FRMD5: variants seen among roughly 807,000 people sequenced by gnomAD.
FRMD5 encodes the protein FERM domain containing 5, also known as FERM domain-containing protein 5.
FRMD5 carries 20 observed loss-of-function variants against 69.0 expected under a neutral mutation model. The ratio of observed to expected loss-of-function variants is 0.29; its 90% CI spans 0.20 to 0.42. The LOEUF is 0.42. FRMD5 is among the 10% of genes least tolerant of loss of function. The pLI, the probability that FRMD5 is intolerant of heterozygous loss-of-function variation, is 1.00. For missense variants in FRMD5, 595 were observed against 708.6 expected (o/e 0.84, Z 1.82); for synonymous variants, 271 against 260.1 (o/e 1.04, Z -0.40).
At chr15:44,017,685 A>T (rs376983659) in intron 1 of FRMD5, among the ~76,000 whole-genome samples, 1 of 149,496 alleles carries the variant, frequency 6.7e-6, no homozygotes, top group African/African-American at 2.5e-5. Flanking sequence ...GGCTCACTGC[A>T]AGCTCCGTCT....
At chr15:43,945,400 C>A (rs762705319) in intron 1 of FRMD5, among the ~76,000 whole-genome samples, 1 of 152,088 alleles carries the variant, frequency 6.6e-6, no homozygotes, top group Admixed American at 6.5e-5. Context: ...AGAAAGAATA[C>A]TAAACAAAAG....
chr15:44,106,396 C>T (rs1433722317), intron 1 of FRMD5, among the ~76,000 whole-genome samples: 2 of 152,186 alleles, frequency 1.3e-5, no homozygotes, highest in East Asian at 3.8e-4. Context: ...ATTGCCACTA[C>T]TCTTTAAACC....
At position 44,082,144 on chromosome 15, in the gene FRMD5, G is replaced by A. The variant is rs76942154; in HGVS notation, c.102+112809C>T. ...CAAAATTTCACACAAATTCTTTCTT[G>A]CTCACATTAACTCTACAAAACAAAG... On this transcript the variant is annotated intron_variant, in intron 1 of 13. Transcript: ENST00000417257. Among the ~76,000 whole-genome samples the A allele has an allele frequency of 2.9e-3, 442 of 151,714 alleles. 5 individuals carry two copies. The highest frequency in any genetic ancestry group is 0.01 in the African/African-American group (432 of 41,412).
chr15:44,178,769 G>A (rs1482732125), intron 1 of FRMD5, among the ~76,000 whole-genome samples: 1 of 152,164 alleles, frequency 6.6e-6, no homozygotes, highest in East Asian at 1.9e-4. Context: ...AAGGCGGGTG[G>A]ATCACCTGAG....
chr15:44,135,040 A>G (rs1400841734), intron 1 of FRMD5, among the ~76,000 whole-genome samples: 1 of 152,228 alleles, frequency 6.6e-6, no homozygotes, highest in African/African-American at 2.4e-5. Flanking sequence ...TTGAGGGATA[A>G]GCATGAAAGG....
intron 1 of FRMD5, among the ~76,000 whole-genome samples, chr15:44,183,355 T>C (rs2078043189): frequency 6.6e-6 from 1 of 151,982 alleles, no homozygotes; most frequent in Non-Finnish European, 1.5e-5. Flanking sequence ...AAAGATAAAA[T>C]ATTAGAGGTG....
In FRMD5 at chr15:43,888,659, C is replaced by T. The variant is rs898748550; in HGVS notation, c.792+150G>A. 38 of 674,412 alleles carry T rather than the reference C, an allele frequency of 5.6e-5. No homozygotes were observed. In the East Asian group the frequency reaches 6.2e-4, roughly 11 times the overall value. 41.8% of individuals were successfully genotyped at this position (674,412 alleles called of 1,614,324 possible). A position where few individuals can be genotyped will look rare whatever the true frequency, so the allele number is the denominator to read the frequency against. ...TCCTGTGCTCCAGGGCCTTCCCGCT[C>T]CTTCATATTGTACCTCCAGGTCCTG... On this transcript the variant is annotated intron_variant, in intron 9 of 13. Transcript: ENST00000417257.
intron 1 of FRMD5, among the ~76,000 whole-genome samples, chr15:44,127,699 C>T (rs2077042300): frequency 6.6e-6 from 1 of 152,052 alleles, no homozygotes; most frequent in Admixed American, 6.6e-5. Context: ...CATGGCGAAA[C>T]CTCATCTCTA....
chr15:43,966,232 C>T (rs1438408760), intron 1 of FRMD5, among the ~76,000 whole-genome samples: 7 of 151,572 alleles, frequency 4.6e-5, no homozygotes, highest in South Asian at 2.1e-4. Context: ...TTAGCCGGGG[C>T]GTGGTGGTGC....
At position 43,873,433 on chromosome 15, in the gene FRMD5, G is replaced by A. The variant is rs2088219188; in HGVS notation, c.*452C>T. 2 of 1,431,912 alleles carry A rather than the reference G, an allele frequency of 1.4e-6. No individual in the cohort carries two copies. Among genetic ancestry groups the A allele is most frequent in the Non-Finnish European group, 9.1e-7 (1 of 1,103,072 alleles). The allele number at this position is 1,431,912 out of a possible 1,614,324, so 88.7% of individuals were successfully genotyped here. ...AGTGATGAGTCTACTGGAACCCAGT[G>A]GCACCAGCAGGAAAAGCTCCTGCAG... On this transcript the variant is annotated 3_prime_UTR_variant, in exon 14 of 14. Coordinates refer to ENST00000417257, the MANE Select transcript of FRMD5 (RefSeq NM_032892.5).
At chr15:43,965,303 C>T (rs1191584258) in intron 1 of FRMD5, among the ~76,000 whole-genome samples, 4 of 152,170 alleles carry the variant, frequency 2.6e-5, no homozygotes, top group Admixed American at 6.6e-5. Flanking sequence ...ATCTGATGTG[C>T]ACTAGGATGA....
chr15:44,023,693 A>G (rs1184074967), intron 1 of FRMD5, among the ~76,000 whole-genome samples: 3 of 152,172 alleles, frequency 2.0e-5, no homozygotes, highest in Non-Finnish European at 4.4e-5. Flanking sequence ...AAACAAAATT[A>G]CAAGAATTGG....
chr15:43,929,391 T>C (rs527885487), intron 1 of FRMD5, among the ~76,000 whole-genome samples: 1 of 152,336 alleles, frequency 6.6e-6, no homozygotes, highest in Admixed American at 6.5e-5. Context: ...GAAGCCAAGA[T>C]GCAGAAAGCT....
intron 1 of FRMD5, among the ~76,000 whole-genome samples, chr15:43,985,097 G>C (rs1276191779): frequency 4.0e-5 from 6 of 151,566 alleles, no homozygotes; most frequent in African/African-American, 1.5e-4. Flanking sequence ...CGGCTAACAT[G>C]GTGAAACCCC....
At chr15:43,949,896 T>TAA (rs112511482) in intron 1 of FRMD5, among the ~76,000 whole-genome samples, 2 of 148,116 alleles carry the variant, frequency 1.4e-5, no homozygotes, top group African/African-American at 4.9e-5. Flanking sequence ...TCTGCTAACT[T>TAA]AAAAAAAAAA....
At chr15:44,187,413 G>T (rs1458649396) in intron 1 of FRMD5, among the ~76,000 whole-genome samples, 1 of 152,066 alleles carries the variant, frequency 6.6e-6, no homozygotes, top group African/African-American at 2.4e-5. Flanking sequence ...GATTTCTGTT[G>T]TTTGACTCAA....
chr15:43,945,006 TCTC>T (rs1210346444), intron 1 of FRMD5, among the ~76,000 whole-genome samples: 2 of 151,434 alleles, frequency 1.3e-5, no homozygotes, highest in African/African-American at 4.9e-5. Context: ...CCCAGGCTGG[TCTC>T]CTCCTGAGTT....
intron 8 of FRMD5, among the ~76,000 whole-genome samples, chr15:43,889,799 C>T (rs966497128): frequency 2.0e-5 from 3 of 152,188 alleles, no homozygotes; most frequent in Admixed American, 1.3e-4. Context: ...TCAGCCCTCT[C>T]CATGTCACTG....
chr15:44,145,285 T>A (rs1017659806), intron 1 of FRMD5, among the ~76,000 whole-genome samples: 1 of 152,192 alleles, frequency 6.6e-6, no homozygotes, highest in Non-Finnish European at 1.5e-5. Flanking sequence ...GGAAAATGTC[T>A]TTTATGACAC....
Sources: gnomAD v4.1 joint callset for allele counts (sites outside exome capture counted in the v4.1 genomes callset) on GRCh38, gnomAD v4.1.1 for gene constraint, MANE v1.5 for transcripts, NCBI Gene and HGNC (gene_info 2026-07-23, HGNC 2026-07-21) for gene names.